ADGRL3: variants seen among roughly 807,000 people sequenced by gnomAD.
ADGRL3 encodes the protein calcium-independent alpha-latrotoxin receptor 3.
ADGRL3 carries 62 observed loss-of-function variants against 153.5 expected under a neutral mutation model. That is an observed-to-expected ratio of 0.40 (90% confidence interval 0.33 to 0.50). The LOEUF (loss-of-function observed/expected upper bound fraction) is 0.50. Ranked by LOEUF, ADGRL3 falls within the 20% of genes least tolerant of loss-of-function variation. The pLI is 0.47. For missense variants in ADGRL3, 1,641 were observed against 1,859.4 expected, an observed-to-expected ratio of 0.88 and a Z score of 2.16; for synonymous variants, 710 against 672.5, an observed-to-expected ratio of 1.06 and a Z score of -0.86.
chr4:61,304,141 G>A (rs1933757384), intron 1 of ADGRL3, among the ~76,000 whole-genome samples: 1 of 152,192 alleles, frequency 6.6e-6, no homozygotes, highest in African/African-American at 2.4e-5. Flanking sequence ...TATTTGTGCA[G>A]TAGCCCACCT....
chr4:61,915,129 C>G (rs2098739318), intron 13 of ADGRL3, among the ~76,000 whole-genome samples: 1 of 151,574 alleles, frequency 6.6e-6, no homozygotes, highest in African/African-American at 2.4e-5. Flanking sequence ...GGAAGATAAA[C>G]TTTTAATTTG....
intron 9 of ADGRL3, among the ~76,000 whole-genome samples, chr4:61,846,236 G>C (rs1438789036): frequency 6.6e-6 from 1 of 151,636 alleles, no homozygotes; most frequent in Non-Finnish European, 1.5e-5. Context: ...AGGATCTCTT[G>C]AGCCCAGAAG....
chr4:61,467,747 A>G (rs748027412), intron 2 of ADGRL3, among the ~76,000 whole-genome samples: 36 of 152,148 alleles, frequency 2.4e-4, no homozygotes, highest in Non-Finnish European at 4.1e-4. Context: ...TACAGATGAA[A>G]TAATTATCCT....
At chr4:61,774,586 T>G (rs765223443) in intron 8 of ADGRL3, among the ~76,000 whole-genome samples, 1 of 152,014 alleles carries the variant, frequency 6.6e-6, no homozygotes, top group Non-Finnish European at 1.5e-5. Context: ...ATCAGGGACT[T>G]AAGCATCCAC....
intron 1 of ADGRL3, among the ~76,000 whole-genome samples, chr4:61,316,411 G>A (rs1048836898): frequency 2.0e-5 from 3 of 152,032 alleles, no homozygotes; most frequent in African/African-American, 7.2e-5. Context: ...CAAGAAATTT[G>A]GATTTTTTAA....
chr4:61,891,995 G>A (rs956901098), intron 9 of ADGRL3, among the ~76,000 whole-genome samples: 3 of 152,040 alleles, frequency 2.0e-5, no homozygotes, highest in African/African-American at 4.8e-5. Context: ...GATAATTTAG[G>A]GTTGTAACTA....
At chr4:61,683,287 A>AT (rs1271369467) in intron 6 of ADGRL3, among the ~76,000 whole-genome samples, 1 of 151,936 alleles carries the variant, frequency 6.6e-6, no homozygotes, top group African/African-American at 2.4e-5. Context: ...TAATTTTTGT[A>AT]TTTTTTGTAG....
chr4:61,473,780 T>C (rs1378992530), intron 2 of ADGRL3, among the ~76,000 whole-genome samples: 3 of 152,122 alleles, frequency 2.0e-5, no homozygotes, highest in African/African-American at 7.2e-5. Context: ...CATTGTGGAA[T>C]CTTAATCATT....
intron 17 of ADGRL3, among the ~76,000 whole-genome samples, chr4:61,970,173 T>TA (rs1233044324): frequency 6.6e-5 from 10 of 152,152 alleles, no homozygotes; most frequent in African/African-American, 2.2e-4. Context: ...TTTATAGAAT[T>TA]AAAATGAGTA....
At chr4:61,642,045 G>T (rs1412706209) in intron 5 of ADGRL3, among the ~76,000 whole-genome samples, 1 of 150,506 alleles carries the variant, frequency 6.6e-6, no homozygotes, top group African/African-American at 2.5e-5. Context: ...CAGTGATGAT[G>T]AGCATTTTTT....
intron 1 of ADGRL3, among the ~76,000 whole-genome samples, chr4:61,209,404 G>C (rs1163604345): frequency 1.3e-5 from 2 of 152,160 alleles, no homozygotes; most frequent in Non-Finnish European, 2.9e-5. Context: ...ACCTGGTGGA[G>C]TGAATACTTC....
At chr4:61,858,750 C>T (rs1054266205) in intron 9 of ADGRL3, among the ~76,000 whole-genome samples, 1 of 152,020 alleles carries the variant, frequency 6.6e-6, no homozygotes, top group Non-Finnish European at 1.5e-5. Context: ...AAAAACATTC[C>T]CTACTTGTGG....
intron 9 of ADGRL3, among the ~76,000 whole-genome samples, chr4:61,882,100 G>C (rs917874696): frequency 1.3e-5 from 2 of 152,180 alleles, no homozygotes; most frequent in Admixed American, 6.5e-5. Flanking sequence ...ACAGTAATGA[G>C]AACACTAACA....
intron 11 of ADGRL3, among the ~76,000 whole-genome samples, chr4:61,903,026 A>G (rs549631308): frequency 6.6e-6 from 1 of 152,310 alleles, no homozygotes; most frequent in East Asian, 1.9e-4. Context: ...ACAATCAGTG[A>G]AATAATAGAT....
intron 5 of ADGRL3, among the ~76,000 whole-genome samples, chr4:61,605,278 C>G (rs1486951377): frequency 6.6e-6 from 1 of 152,016 alleles, no homozygotes; most frequent in Non-Finnish European, 1.5e-5. Flanking sequence ...ATAACTTTCA[C>G]TTCCACAGAA....
At chr4:61,434,875 T>C (rs2097425134) in intron 2 of ADGRL3, among the ~76,000 whole-genome samples, 1 of 152,088 alleles carries the variant, frequency 6.6e-6, no homozygotes, top group South Asian at 2.1e-4. Flanking sequence ...ATCTCATCTC[T>C]CTCATTTTGA....
At chr4:61,456,381 A>ATATATATAGATATATCTATATCTATC (rs2097741321) in intron 2 of ADGRL3, among the ~76,000 whole-genome samples, 1 of 107,672 alleles carries the variant, frequency 9.3e-6, no homozygotes, top group African/African-American at 3.3e-5. Flanking sequence ...ATATCTATAT[A>ATATATATAGATATATCTATATCTATC]TATATATAGA....
intron 1 of ADGRL3, among the ~76,000 whole-genome samples, chr4:61,327,381 A>G (rs2095487446): frequency 6.6e-6 from 1 of 150,964 alleles, no homozygotes; most frequent in Non-Finnish European, 1.5e-5. Flanking sequence ...CCTGTAAAGT[A>G]TGCTCCTACC....
At chr4:61,994,916 C>CTTT (rs769150522) in intron 19 of ADGRL3, among the ~76,000 whole-genome samples, 1 of 140,364 alleles carries the variant, frequency 7.1e-6, no homozygotes, top group Admixed American at 7.2e-5. Context: ...CTTTGGTTTT[C>CTTT]TTTTTTTTTT....
Sources: allele counts gnomAD v4.1 joint callset (sites outside exome capture counted in the v4.1 genomes callset), GRCh38; gene constraint gnomAD v4.1.1; transcripts MANE v1.5; gene names NCBI Gene and HGNC (gene_info 2026-07-23, HGNC 2026-07-21).